Variants in GABRB3 observed in about 807,000 individuals in gnomAD.
GABRB3 encodes the protein gamma-aminobutyric acid receptor subunit beta-3.
GABRB3 carries 14 observed loss-of-function variants against 52.1 expected under a neutral mutation model. The ratio of observed to expected loss-of-function variants is 0.27; its 90% CI spans 0.18 to 0.42. GABRB3 has a LOEUF of 0.42. Among genes scored for constraint, GABRB3 ranks in the 10% least tolerant of loss-of-function variants. GABRB3 has a pLI of 1.00. For synonymous variants in GABRB3, 260 were observed against 232.3 expected, an observed-to-expected ratio of 1.12 and a Z score of -1.08; for missense variants, 307 against 609.1, an observed-to-expected ratio of 0.50 and a Z score of 5.22.
chr15:26,558,143 G>A (rs377666911), intron 8 of GABRB3, among the ~76,000 whole-genome samples: 7 of 152,338 alleles, frequency 4.6e-5, no homozygotes, highest in African/African-American at 1.7e-4. Flanking sequence ...AAAGTGTATT[G>A]TGTGTTCCTA....
intron 4 of GABRB3, among the ~76,000 whole-genome samples, chr15:26,600,725 C>T (rs1021673496): frequency 1.8e-4 from 27 of 152,242 alleles, no homozygotes; most frequent in African/African-American, 5.5e-4. Flanking sequence ...ACAGGAATTG[C>T]TACAGGGAAT....
intron 3 of GABRB3, among the ~76,000 whole-genome samples, chr15:26,644,832 G>A (rs1019522243): frequency 3.3e-5 from 5 of 152,190 alleles, no homozygotes; most frequent in Middle Eastern, 3.2e-3. Flanking sequence ...GGGTCCACAT[G>A]AGAACAGTTC....
intron 3 of GABRB3, among the ~76,000 whole-genome samples, chr15:26,679,159 T>C (rs1225630676): frequency 1.3e-5 from 2 of 151,914 alleles, no homozygotes; most frequent in Admixed American, 6.5e-5. Flanking sequence ...TGGGTTGTTG[T>C]CTTTTATTTG....
chr15:26,720,775 G>A (rs761984053), intron 3 of GABRB3, among the ~76,000 whole-genome samples: 17 of 152,148 alleles, frequency 1.1e-4, no homozygotes, highest in East Asian at 1.9e-4. Context: ...AAGGGAACCC[G>A]GAATCGAGGT....
At chr15:26,751,815 T>C (rs116748623) in intron 3 of GABRB3, among the ~76,000 whole-genome samples, 1,581 of 152,020 alleles carry the variant, frequency 0.01, 42 homozygotes, top group African/African-American at 0.036. Context: ...TTTTATTTTT[T>C]AGGAAAAAAA....
intron 3 of GABRB3, among the ~76,000 whole-genome samples, chr15:26,679,712 G>A (rs763599085): frequency 2.6e-5 from 4 of 151,932 alleles, no homozygotes; most frequent in South Asian, 2.1e-4. Flanking sequence ...GAAAGCTTCC[G>A]GAGATGGGGG....
At chr15:26,653,207 T>G (rs928416328) in intron 3 of GABRB3, among the ~76,000 whole-genome samples, 11 of 152,190 alleles carry the variant, frequency 7.2e-5, no homozygotes, top group Admixed American at 3.9e-4. Context: ...TTTGTAAAAC[T>G]AACAAATTCA....
At chr15:26,629,641 C>T (rs998056019) in intron 3 of GABRB3, among the ~76,000 whole-genome samples, 1 of 152,046 alleles carries the variant, frequency 6.6e-6, no homozygotes, top group African/African-American at 2.4e-5. Flanking sequence ...CCCCACAAAC[C>T]GAAGGTGGTA....
In GABRB3 at chr15:26,545,240, T is replaced by C. The variant is rs1463401037; in HGVS notation, c.*2553A>G. 1 of 152,428 alleles carries C rather than the reference T, an allele frequency of 6.6e-6. No homozygotes were observed. The highest frequency in any genetic ancestry group is 1.5e-5 in the Non-Finnish European group (1 of 68,012). The allele number at this position is 152,428 out of a possible 1,614,324, so 9.4% of individuals were successfully genotyped here. Reference sequence around the variant, plus strand: ...TGTGTGTAGTTACAAACACTATTTATAGTATAGCTAATATGTTAACTTCAT... The same window carrying C: ...TGTGTGTAGTTACAAACACTATTTACAGTATAGCTAATATGTTAACTTCAT... On this transcript the variant is annotated 3_prime_UTR_variant, in exon 9 of 9. Transcript: ENST00000311550.
At chr15:26,620,221 A>G (rs1796554557) in intron 4 of GABRB3, among the ~76,000 whole-genome samples, 1 of 152,168 alleles carries the variant, frequency 6.6e-6, no homozygotes, top group Non-Finnish European at 1.5e-5. Context: ...GGCTTGGTTG[A>G]CATGTGCCAC....
chr15:26,622,720 T>C (rs1011140686), intron 3 of GABRB3, among the ~76,000 whole-genome samples: 1 of 152,196 alleles, frequency 6.6e-6, no homozygotes, highest in Non-Finnish European at 1.5e-5. Flanking sequence ...GCTAAACTGA[T>C]GGCTGTTTAT....
chr15:26,682,240 C>T (rs192478702), intron 3 of GABRB3, among the ~76,000 whole-genome samples: 1 of 152,160 alleles, frequency 6.6e-6, no homozygotes, highest in African/African-American at 2.4e-5. Context: ...ACGTCCTCAA[C>T]AAAGGCTGCA....
chr15:26,652,682 C>T (rs1027155617), intron 3 of GABRB3, among the ~76,000 whole-genome samples: 5 of 152,114 alleles, frequency 3.3e-5, no homozygotes, highest in Admixed American at 2.0e-4. Context: ...ACCCTTAATC[C>T]TTTCCAATTT....
At chr15:26,686,513 C>A (rs1332916878) in intron 3 of GABRB3, among the ~76,000 whole-genome samples, 1 of 152,200 alleles carries the variant, frequency 6.6e-6, no homozygotes, top group Middle Eastern at 3.2e-3. Flanking sequence ...TCATGCAACT[C>A]CTATCAGAAG....
intron 3 of GABRB3, among the ~76,000 whole-genome samples, chr15:26,751,081 A>G (rs1327358842): frequency 6.6e-6 from 1 of 152,074 alleles, no homozygotes; most frequent in Non-Finnish European, 1.5e-5. Flanking sequence ...TCCAGATAAC[A>G]AAAGATTGAA....
In GABRB3 at chr15:26,621,660, T is replaced by A. The variant is rs1042688870; in HGVS notation, c.241-126A>T. The A allele has an allele frequency of 1.4e-6, 1 of 706,946 alleles. No homozygotes were observed. Among genetic ancestry groups the A allele is most frequent in the Admixed American group, 2.4e-5 (1 of 41,330 alleles). 43.8% of individuals were successfully genotyped at this position (706,946 alleles called of 1,614,324 possible). A position where few individuals can be genotyped will look rare whatever the true frequency, so the allele number is the denominator to read the frequency against. On this transcript the variant is annotated intron_variant, in intron 3 of 8. Transcript: ENST00000311550. This position sits in a 1 kb window ranked among gnomAD's most constrained non-coding sequence, Gnocchi z 4.1. Reference sequence around the variant, plus strand: ...GAATAACCAGGAGAAACGGATGCCATTTTTATGCAGAATGGGAAGCAATGG... The same window carrying A: ...GAATAACCAGGAGAAACGGATGCCAATTTTATGCAGAATGGGAAGCAATGG...
intron 1 of GABRB3, 32 bp from the exon 2 acceptor site, chr15:26,772,804 G>A: frequency 2.6e-6 from 4 of 1,514,860 alleles, no homozygotes; most frequent in Non-Finnish European, 3.5e-6. Flanking sequence ...CAAAGAGCGG[G>A]GTCAGGGGCG....
intron 3 of GABRB3, among the ~76,000 whole-genome samples, chr15:26,722,936 T>G (rs1015363210): frequency 3.3e-5 from 5 of 152,194 alleles, no homozygotes; most frequent in Non-Finnish European, 7.3e-5. Flanking sequence ...AGCTTCACAC[T>G]ATGTTAGATT....
intron 4 of GABRB3, among the ~76,000 whole-genome samples, chr15:26,588,816 T>C (rs1891089716): frequency 6.6e-6 from 1 of 152,202 alleles, no homozygotes; most frequent in East Asian, 1.9e-4. Flanking sequence ...TATAGTGACA[T>C]TTAATCCAAC....
Sources: gnomAD v4.1 joint callset for allele counts (sites outside exome capture counted in the v4.1 genomes callset) on GRCh38, gnomAD v4.1.1 for gene constraint, Gnocchi (gnomAD v3.1) non-coding constraint, MANE v1.5 for transcripts, NCBI Gene and HGNC (gene_info 2026-07-23, HGNC 2026-07-21) for gene names.